Variants in C2orf49 observed in about 807,000 individuals in gnomAD.
C2orf49 encodes tRNA-splicing ligase complex subunit ASW.
A neutral mutation model predicts 20.6 loss-of-function variants in C2orf49; 11 were observed. The ratio of observed to expected loss-of-function variants is 0.53; its 90% CI spans 0.34 to 0.88. The LOEUF is 0.88. C2orf49 is among the 40% of genes least tolerant of loss of function. C2orf49 has a pLI of 0.02. For missense variants in C2orf49, 289 were observed against 274.2 expected (o/e 1.05, Z -0.38); for synonymous variants, 134 against 108.5 (o/e 1.24, Z -1.46).
At chr2:105,362,190 C>T in the C2orf49 span, among the ~76,000 whole-genome samples, 2 of 152,200 alleles carry the variant, frequency 1.3e-5, no homozygotes, top group Non-Finnish European at 2.9e-5. Flanking sequence ...TGAATATGTT[C>T]TGGCAAAAGA....
At chr2:105,363,389 A>C in the C2orf49 span, 1 of 1,614,026 alleles carries the variant, frequency 6.2e-7, no homozygotes. Context: ...CTGCCCAGAC[A>C]GCTGCTTCCT....
intron 2 of C2orf49, among the ~76,000 whole-genome samples, chr2:105,341,862 T>C (rs1467004587): frequency 6.6e-6 from 1 of 152,244 alleles, no homozygotes; most frequent in Non-Finnish European, 1.5e-5. Flanking sequence ...TCTCAGATTC[T>C]TTTAACATGT....
chr2:105,363,433 G>A, the C2orf49 span: 11 of 1,612,518 alleles, frequency 6.8e-6, no homozygotes, highest in Admixed American at 1.7e-5. Context: ...CCTTGTGCCA[G>A]GGCTGCTCCC....
At chr2:105,361,132 AG>A in the C2orf49 span, 4 of 741,828 alleles carry the variant, frequency 5.4e-6, no homozygotes, top group South Asian at 7.8e-5. Flanking sequence ...AAAGCACTAA[AG>A]GGTTTAAGCA....
In C2orf49 at chr2:105,348,049, A is replaced by G. The variant is rs769908130; in HGVS notation, c.*2678A>G. ...CCTTCTTTTCCCTTTCTCCTTATAC[A>G]TTTTCTTTCTCTACTTTAATTCTCC... On this transcript the variant is annotated 3_prime_UTR_variant, in exon 4 of 4. Transcript: ENST00000258457. 3 of 151,396 alleles carry G rather than the reference A, an allele frequency of 2.0e-5. No homozygotes were observed. The highest frequency in any genetic ancestry group is 2.9e-5 in the Non-Finnish European group (2 of 67,884). 9.4% of individuals were successfully genotyped at this position (151,396 alleles called of 1,614,324 possible).
Position 105,347,676 on chromosome 2 carries a change from A to G in C2orf49, c.*2305A>G, listed in dbSNP as rs1287375056. 6.6e-6 allele frequency: 1 copy of G among 152,232 alleles called. No individual in the cohort carries two copies. The highest frequency in any genetic ancestry group is 1.5e-5 in the Non-Finnish European group (1 of 68,034). The allele number at this position is 152,232 out of a possible 1,614,324, so 9.4% of individuals were successfully genotyped here. A position where few individuals can be genotyped will look rare whatever the true frequency, so the allele number is the denominator to read the frequency against. ...TTGTTCCTTCTGAAGGTGTATAGATACAGCTTGTCTTGAAATGTCTTTCTC... is the reference window on the plus strand; with the variant it reads ...TTGTTCCTTCTGAAGGTGTATAGATGCAGCTTGTCTTGAAATGTCTTTCTC... On this transcript the variant is annotated 3_prime_UTR_variant, in exon 4 of 4. Coordinates refer to ENST00000258457, the MANE Select transcript of C2orf49 (RefSeq NM_024093.3).
chr2:105,363,329 T>G, the C2orf49 span: 5 of 1,614,024 alleles, frequency 3.1e-6, no homozygotes, highest in Non-Finnish European at 4.2e-6. Context: ...GGCATACAAG[T>G]CACAGAAGCA....
At chr2:105,373,490 G>T in the C2orf49 span, 28 of 1,545,580 alleles carry the variant, frequency 1.8e-5, no homozygotes, top group African/African-American at 3.5e-4. Context: ...TGTGAACAGG[G>T]GGTCAGAGGA....
At chr2:105,352,097 G>C (rs899383512), downstream of C2orf49, among the ~76,000 whole-genome samples, 1 of 152,134 alleles carries the variant, frequency 6.6e-6, no homozygotes, top group African/African-American at 2.4e-5. Flanking sequence ...CATGTATAGA[G>C]GTTGCAGAAT....
At chr2:105,358,984 CCCTG>C in the C2orf49 span, 1 of 152,300 alleles carries the variant, frequency 6.6e-6, no homozygotes, top group Non-Finnish European at 1.5e-5. Context: ...AGTTTTAGAT[CCCTG>C]GCGGGGGCCT....
rs1024683368 is a variant in C2orf49, at chr2:105,348,156, A to G, written c.*2785A>G. 10 of 152,302 alleles carry G rather than the reference A, an allele frequency of 6.6e-5. No homozygotes were observed. In the East Asian group the frequency reaches 1.9e-3, roughly 29 times the overall value. The allele number at this position is 152,302 out of a possible 1,614,324, so 9.4% of individuals were successfully genotyped here. A position where few individuals can be genotyped will look rare whatever the true frequency, so the allele number is the denominator to read the frequency against. On this transcript the variant is annotated 3_prime_UTR_variant, in exon 4 of 4. Coordinates refer to ENST00000258457, the MANE Select transcript of C2orf49 (RefSeq NM_024093.3). ...GGCCCTCCACATTCACTGAGAGGTGAAGATAGGCTGACCCCCTGTCCTCTT... is the reference window on the plus strand; with the variant it reads ...GGCCCTCCACATTCACTGAGAGGTGGAGATAGGCTGACCCCCTGTCCTCTT...
chr2:105,363,284 C>G, the C2orf49 span: 1 of 1,614,008 alleles, frequency 6.2e-7, no homozygotes, highest in Non-Finnish European at 8.5e-7. Flanking sequence ...GGGACACTCA[C>G]CGCTGATGGG....
In C2orf49 at chr2:105,337,609, C is replaced by G. The variant is rs1411159466; in HGVS notation, c.22C>G (p.Arg8Gly). The G allele has an allele frequency of 2.5e-6, 4 of 1,612,438 alleles. No homozygotes were observed. Among genetic ancestry groups the G allele is most frequent in the African/African-American group, 2.7e-5 (2 of 74,684 alleles). The change falls in exon 1 of 4, where the codon CGC becomes GGC. Residue 8 changes from arginine (R) to glycine (G), a missense_variant. By Grantham distance (125) the Arg-to-Gly change is moderately radical. Transcript: ENST00000258457. MAGDVGG[R>G]SCTDSELLLH... ...GACCATGGCGGGGGATGTGGGCGGT[C>G]GCAGCTGCACGGACTCGGAACTGCT... is the stretch of plus-strand genomic sequence containing the variant.
the C2orf49 span, chr2:105,360,980 CAGTG>C: frequency 8.6e-5 from 21 of 243,552 alleles, no homozygotes; most frequent in East Asian, 3.4e-4. Flanking sequence ...CTTAAATAGA[CAGTG>C]AGAGAAAGAT....
At chr2:105,339,456 G>T (rs1010572100) in intron 1 of C2orf49, 127 bp from the exon 2 acceptor site, 3 of 815,758 alleles carry the variant, frequency 3.7e-6, no homozygotes, top group African/African-American at 3.5e-5. Flanking sequence ...AAGTGCGCGT[G>T]TTATTGTGAA....
At chr2:105,381,462 G>A in the C2orf49 span, among the ~76,000 whole-genome samples, 3 of 152,120 alleles carry the variant, frequency 2.0e-5, no homozygotes, top group Non-Finnish European at 2.9e-5. Flanking sequence ...GCTTGTCAAA[G>A]GTGGAGCCAG....
At chr2:105,357,412 A>AT in the C2orf49 span, among the ~76,000 whole-genome samples, 1 of 152,100 alleles carries the variant, frequency 6.6e-6, no homozygotes, top group African/African-American at 2.4e-5. Flanking sequence ...ATTAAAAATA[A>AT]TTTTTATCTC....
At chr2:105,374,157 G>A in the C2orf49 span, 4 of 252,356 alleles carry the variant, frequency 1.6e-5, 1 homozygote, top group East Asian at 9.9e-5. Flanking sequence ...TGTGGTCACC[G>A]GCATGGCAGA....
the C2orf49 span, chr2:105,363,274 G>A: frequency 3.7e-6 from 6 of 1,613,306 alleles, no homozygotes; most frequent in African/African-American, 2.7e-5. Flanking sequence ...TGGGAACCCC[G>A]GGACACTCAC....
Sources: gnomAD v4.1 joint callset for allele counts (sites outside exome capture counted in the v4.1 genomes callset) on GRCh38, gnomAD v4.1.1 for gene constraint, MANE v1.5 for transcripts, NCBI Gene and HGNC (gene_info 2026-07-23, HGNC 2026-07-21) for gene names.